KCTD20: variants seen among roughly 807,000 people sequenced by gnomAD.
KCTD20 encodes the protein BTB/POZ domain-containing protein KCTD20.
KCTD20 carries 30 observed loss-of-function variants against 39.6 expected under a neutral mutation model. That is an observed-to-expected ratio of 0.76 (90% CI 0.57 to 1.03). The LOEUF (loss-of-function observed/expected upper bound fraction) is 1.03. Among genes scored for constraint, KCTD20 ranks in the 50% least tolerant of loss-of-function variants. The pLI is 0.00. For missense variants in KCTD20, 422 were observed against 522.0 expected (o/e 0.81, Z 1.87); for synonymous variants, 162 against 180.6 (o/e 0.90, Z 0.83).
chr6:36,485,905 G>C (rs1392323295), intron 7 of KCTD20, among the ~76,000 whole-genome samples: 1 of 151,840 alleles, frequency 6.6e-6, no homozygotes, highest in East Asian at 1.9e-4. Context: ...TTTAAAGTTG[G>C]AGGACTTTTT....
intron 5 of KCTD20, 98 bp from the exon 6 acceptor site, chr6:36,481,464 C>T: frequency 1.1e-6 from 1 of 875,724 alleles, no homozygotes. Flanking sequence ...TTCTCTGAAC[C>T]TCATCAATGA....
rs1358111353 is a variant in KCTD20 at position 36,486,974 on chromosome 6, G to A, written c.1059G>A (p.Met353Ile). ...YNYVQRPFIQMSWEKEEGKSR... is the reference protein window; with the variant it reads ...YNYVQRPFIQISWEKEEGKSR... ...ATGTACAACGCCCCTTCATCCAGAT[G>A]TCATGGGAAAAGGAAGAAGGGAAGA... Residue 353 changes from methionine to isoleucine, a missense_variant, in exon 8 of 8, where the codon ATG becomes ATA. Met to Ile is a conservative substitution (Grantham distance 10). Coordinates refer to ENST00000373731, the MANE Select transcript of KCTD20 (RefSeq NM_173562.5). The A allele has an allele frequency of 1.2e-6, 2 of 1,614,036 alleles. No homozygotes were observed. Among genetic ancestry groups the A allele is most frequent in the East Asian group, 2.2e-5 (1 of 44,904 alleles).
Position 36,487,913 on chromosome 6 carries a change from T to G in KCTD20, c.*738T>G, listed in dbSNP as rs774786753. ...TTTGGAATGAAACTCACAATGCAAG[T>G]AGAAGGACCTCTCCAAATCAGGCCA... On this transcript the variant is annotated 3_prime_UTR_variant, in exon 8 of 8. Coordinates refer to ENST00000373731, the MANE Select transcript of KCTD20 (RefSeq NM_173562.5). 1 of 152,176 alleles carries G rather than the reference T, an allele frequency of 6.6e-6. No individual in the cohort carries two copies. The highest frequency in any genetic ancestry group is 1.5e-5 in the Non-Finnish European group (1 of 68,028). The allele number at this position is 152,176 out of a possible 1,614,324, so 9.4% of individuals were successfully genotyped here. A position where few individuals can be genotyped will look rare whatever the true frequency, so the allele number is the denominator to read the frequency against.
intron 3 of KCTD20, among the ~76,000 whole-genome samples, chr6:36,476,328 G>A (rs748980181): frequency 3.6e-4 from 54 of 151,780 alleles, no homozygotes; most frequent in African/African-American, 1.2e-3. Flanking sequence ...AACTGAGTTA[G>A]AAATTCGAAT....
intron 1 of KCTD20, among the ~76,000 whole-genome samples, chr6:36,454,276 C>T (rs2127432200): frequency 6.6e-6 from 1 of 152,152 alleles, no homozygotes; most frequent in East Asian, 1.9e-4. Context: ...TACTCATTTA[C>T]AAATTGTCTA....
chr6:36,480,481 CT>C (rs1461712233), intron 5 of KCTD20, among the ~76,000 whole-genome samples: 1 of 138,540 alleles, frequency 7.2e-6, no homozygotes. Flanking sequence ...TGGTCTCAAA[CT>C]TCTGGCCTCA....
At chr6:36,467,318 A>ATTTTTTTT (rs775332647) in intron 1 of KCTD20, among the ~76,000 whole-genome samples, 1 of 29,850 alleles carries the variant, frequency 3.4e-5, no homozygotes, top group African/African-American at 1.3e-4. Context: ...ATCCTTCAGG[A>ATTTTTTTT]TTTTTTTTTT....
intron 1 of KCTD20, among the ~76,000 whole-genome samples, chr6:36,463,171 C>T (rs1260003770): frequency 6.6e-6 from 1 of 152,100 alleles, no homozygotes; most frequent in African/African-American, 2.4e-5. Flanking sequence ...GTAATAAAGC[C>T]TTGTTTATTC....
At chr6:36,462,584 C>T (rs1022483915) in intron 1 of KCTD20, among the ~76,000 whole-genome samples, 1 of 152,194 alleles carries the variant, frequency 6.6e-6, no homozygotes, top group East Asian at 1.9e-4. Flanking sequence ...ACAAGTTCCT[C>T]TAAGTGATTC....
rs189429868 is a variant in KCTD20 at position 36,457,979 on chromosome 6, T to C, written c.-46-12073T>C. ...ATTTTGAGGTTCATGATTGGTAAAA[T>C]TGTGGCGGTGGGTGATTGGGAGACC... On this transcript the variant is annotated intron_variant, in intron 1 of 7. Coordinates refer to ENST00000373731, the MANE Select transcript of KCTD20 (RefSeq NM_173562.5). Among the ~76,000 whole-genome samples the C allele has an allele frequency of 1.3e-3, 198 of 152,160 alleles. 4 individuals are homozygous for C. The highest frequency in any genetic ancestry group is 2.4e-4 in the Non-Finnish European group (16 of 68,004).
In KCTD20 at chr6:36,481,645, G is replaced by C. The variant is rs1284296019; in HGVS notation, c.742G>C (p.Val248Leu). 1 of 1,613,978 alleles carries C rather than the reference G, an allele frequency of 6.2e-7. No homozygotes were observed. Among genetic ancestry groups the C allele is most frequent in the Non-Finnish European group, 8.5e-7 (1 of 1,179,926 alleles). ...YLEELILPIM[V>L]GCAKKGEREC... is the part of the protein sequence containing the mutation. ...CGAAGAGCTCATCTTGCCCATCATG[G>C]TGGGCTGTGCCAAGAAAGGAGAACG... is the stretch of plus-strand genomic sequence containing the variant. The change falls in exon 6 of 8, where the codon GTG becomes CTG. Residue 248 changes from valine (V) to leucine (L), a missense_variant. Val to Leu is a conservative substitution (Grantham distance 32). Coordinates refer to ENST00000373731, the MANE Select transcript of KCTD20 (RefSeq NM_173562.5).
intron 2 of KCTD20, among the ~76,000 whole-genome samples, chr6:36,473,998 T>C (rs749804728): frequency 1.9e-4 from 29 of 152,228 alleles, no homozygotes; most frequent in Admixed American, 1.2e-3. Flanking sequence ...TGTGAATTTC[T>C]AGGAAAAGTA....
intron 1 of KCTD20, among the ~76,000 whole-genome samples, chr6:36,453,303 C>A (rs1371949875): frequency 6.6e-6 from 1 of 151,468 alleles, no homozygotes; most frequent in African/African-American, 2.4e-5. Context: ...TGAGCCACCA[C>A]CCCCAGCCTT....
rs1452062420 is a variant in KCTD20 at position 36,487,757 on chromosome 6, T to C, written c.*582T>C. 1 of 152,430 alleles carries C rather than the reference T, an allele frequency of 6.6e-6. No individual in the cohort carries two copies. Among genetic ancestry groups the C allele is most frequent in the Admixed American group, 6.5e-5 (1 of 15,298 alleles). 9.4% of individuals were successfully genotyped at this position (152,430 alleles called of 1,614,324 possible). ...AAATTCTTAAGAGCTTAAATTCAGA[T>C]TTGTGTCTCATTAATGCAGTGAACA... On this transcript the variant is annotated 3_prime_UTR_variant, in exon 8 of 8. Transcript: ENST00000373731.
intron 1 of KCTD20, among the ~76,000 whole-genome samples, chr6:36,460,881 G>A (rs1253929744): frequency 1.3e-5 from 2 of 152,098 alleles, no homozygotes; most frequent in African/African-American, 4.8e-5. Flanking sequence ...GAAGCCAGAA[G>A]TCTGGCTCCA....
At chr6:36,483,106 G>A (rs1337549143) in intron 6 of KCTD20, among the ~76,000 whole-genome samples, 2 of 136,862 alleles carry the variant, frequency 1.5e-5, no homozygotes, top group African/African-American at 5.6e-5. Context: ...GTAACAGAGC[G>A]AGACTCCGTT....
intron 1 of KCTD20, among the ~76,000 whole-genome samples, chr6:36,459,874 T>C (rs2127436333): frequency 6.6e-6 from 1 of 152,356 alleles, no homozygotes; most frequent in African/African-American, 2.4e-5. Context: ...GCTATATAAA[T>C]GCTTAGCTCT....
intron 7 of KCTD20, among the ~76,000 whole-genome samples, chr6:36,486,569 A>G (rs2071810): frequency 0.24 from 36,104 of 152,150 alleles, 4,522 homozygotes; most frequent in East Asian, 0.39. Context: ...CTTTTCTTCT[A>G]TGGTATTGTT....
chr6:36,467,558 G>A (rs1444811121), intron 1 of KCTD20, among the ~76,000 whole-genome samples: 1 of 150,864 alleles, frequency 6.6e-6, no homozygotes, highest in Non-Finnish European at 1.5e-5. Context: ...GGATGGTCTC[G>A]ATCTCCTGAC....
Sources: allele counts gnomAD v4.1 joint callset (sites outside exome capture counted in the v4.1 genomes callset), GRCh38; gene constraint gnomAD v4.1.1; transcripts MANE v1.5; gene names NCBI Gene and HGNC (gene_info 2026-07-23, HGNC 2026-07-21).